Variants in CWH43 observed in about 807,000 individuals in gnomAD.
The protein encoded by CWH43 is cell wall biogenesis 43 C-terminal homolog.
A neutral mutation model predicts 85.7 loss-of-function variants in CWH43; 91 were observed. The ratio of observed to expected loss-of-function variants is 1.06; its 90% CI spans 0.90 to 1.26. The LOEUF is 1.26. Ranked by LOEUF, CWH43 falls within the 50% of genes most tolerant of loss-of-function variation. The probability of loss-of-function intolerance (pLI) is 0.00; values close to 1 mark genes in which losing one functional copy is unlikely to be tolerated. For synonymous variants in CWH43, 323 were observed against 293.6 expected (o/e 1.10, Z -1.02); for missense variants, 869 against 839.2 (o/e 1.04, Z -0.44).
At position 49,017,239 on chromosome 4, in the gene CWH43, T is replaced by G; in HGVS notation, c.1187-10T>G. ...TTAAAAAAACCCAATTATTTCTTTTTTCTGTTTAGTTCTGTGGCTGCTTGT... is the reference window on the plus strand; with the variant it reads ...TTAAAAAAACCCAATTATTTCTTTTGTCTGTTTAGTTCTGTGGCTGCTTGT... On this transcript the variant is annotated splice_polypyrimidine_tract_variant and intron_variant, in intron 8 of 15. Transcript: ENST00000226432. 6.3e-7 allele frequency: 1 copy of G among 1,598,760 alleles called. No homozygotes were observed. The highest frequency in any genetic ancestry group is 8.5e-7 in the Non-Finnish European group (1 of 1,173,610).
At chr4:49,030,139 A>C (rs1336386912) in intron 10 of CWH43, among the ~76,000 whole-genome samples, 6 of 152,214 alleles carry the variant, frequency 3.9e-5, no homozygotes, top group Non-Finnish European at 7.3e-5. Context: ...ATTGCTTTCA[A>C]CAGGCCTAGG....
intron 1 of CWH43, 127 bp downstream of exon 1, chr4:48,986,599 A>T: frequency 6.7e-7 from 1 of 1,497,070 alleles, no homozygotes; most frequent in Non-Finnish European, 8.9e-7. Context: ...CCCAGAGTGG[A>T]GATGCTTATC....
chr4:49,048,969 A>C (rs1422634381), intron 14 of CWH43, among the ~76,000 whole-genome samples: 1 of 152,192 alleles, frequency 6.6e-6, no homozygotes, highest in Non-Finnish European at 1.5e-5. Flanking sequence ...GTGCTTAATA[A>C]ATACTTATTG....
intron 14 of CWH43, among the ~76,000 whole-genome samples, chr4:49,049,631 C>T (rs539162869): frequency 2.6e-4 from 39 of 152,256 alleles, no homozygotes; most frequent in African/African-American, 4.6e-4. Context: ...CACTTCACTC[C>T]GGTCATGGTG....
At chr4:49,035,402 A>T (rs758030885) in intron 12 of CWH43, among the ~76,000 whole-genome samples, 3 of 152,232 alleles carry the variant, frequency 2.0e-5, no homozygotes, top group African/African-American at 4.8e-5. Context: ...GAAAATTGAT[A>T]TTATTTTAGG....
At chr4:49,007,475 A>G in intron 8 of CWH43, 149 bp downstream of exon 8, 1 of 1,038,068 alleles carries the variant, frequency 9.6e-7, no homozygotes, top group Non-Finnish European at 1.3e-6. Context: ...TATCTTCTCT[A>G]GTTTTTTTAA....
intron 8 of CWH43, among the ~76,000 whole-genome samples, chr4:49,015,826 C>T (rs577329784): frequency 6.6e-6 from 1 of 152,128 alleles, no homozygotes; most frequent in African/African-American, 2.4e-5. Flanking sequence ...TTATAATTAT[C>T]TTTTTATTTC....
intron 2 of CWH43, among the ~76,000 whole-genome samples, chr4:48,990,747 T>C (rs1001836507): frequency 1.3e-5 from 2 of 152,210 alleles, no homozygotes; most frequent in Non-Finnish European, 2.9e-5. Flanking sequence ...TAGAAGCTGT[T>C]ATCATATGAT....
rs903290639 is a variant in CWH43 at position 48,992,892 on chromosome 4, G to T, written c.511+802G>T. 6.6e-6 allele frequency among the ~76,000 whole-genome samples: 1 copy of T among 152,180 alleles called. No homozygotes were observed. Among genetic ancestry groups the T allele is most frequent in the Admixed American group, 6.5e-5 (1 of 15,276 alleles). On this transcript the variant is annotated intron_variant, in intron 4 of 15. Coordinates refer to ENST00000226432, the MANE Select transcript of CWH43 (RefSeq NM_025087.3). This position sits in a 1 kb window ranked among gnomAD's most constrained non-coding sequence, Gnocchi z 4.3. ...GTTTGGCATGAAATGAGAATAGAGG[G>T]AAATTATGTCAGTAAATTGGCCTTG...
intron 9 of CWH43, among the ~76,000 whole-genome samples, chr4:49,021,899 T>C (rs1333990594): frequency 6.6e-6 from 1 of 152,244 alleles, no homozygotes; most frequent in African/African-American, 2.4e-5. Context: ...TGTACACTAA[T>C]TTTGTATCTT....
rs373026079 is a variant in CWH43, at chr4:48,991,082, C to T, written c.236-372C>T. Among the ~76,000 whole-genome samples the T allele has an allele frequency of 4.6e-5, 7 of 152,162 alleles. No individual in the cohort carries two copies. The South Asian group carries it at 6.2e-4, about 14-fold the overall frequency. On this transcript the variant is annotated intron_variant, in intron 2 of 15. Transcript: ENST00000226432. ...TGAAGTGCCCAGAATAGGAAAAATTCGCAGAGACAGAAAATAGATTAGTGG... is the reference window on the plus strand; with the variant it reads ...TGAAGTGCCCAGAATAGGAAAAATTTGCAGAGACAGAAAATAGATTAGTGG...
At chr4:49,000,096 T>A (rs1782942051) in intron 6 of CWH43, among the ~76,000 whole-genome samples, 1 of 152,166 alleles carries the variant, frequency 6.6e-6, no homozygotes, top group Non-Finnish European at 1.5e-5. Flanking sequence ...ATACTATATT[T>A]GGTTTATGTG....
chr4:49,061,805 T>A lies in CWH43; in HGVS notation c.2022-7T>A. 1 of 1,374,014 alleles carries A rather than the reference T, an allele frequency of 7.3e-7. No individual in the cohort carries two copies. Among genetic ancestry groups the A allele is most frequent in the Non-Finnish European group, 9.6e-7 (1 of 1,036,632 alleles). The allele number at this position is 1,374,014 out of a possible 1,614,324, so 85.1% of individuals were successfully genotyped here. On this transcript the variant is annotated splice_polypyrimidine_tract_variant and splice_region_variant and intron_variant, in intron 15 of 15. Transcript: ENST00000226432. ...AATAACTTTTTATTTATTTTTTATTTTTTTAGATTTGGATCCTACAAAGAA... is the reference window on the plus strand; with the variant it reads ...AATAACTTTTTATTTATTTTTTATTATTTTAGATTTGGATCCTACAAAGAA...
In CWH43 at chr4:49,017,257, C is replaced by G. The variant is rs772827714; in HGVS notation, c.1195C>G (p.Leu399Val). The change falls in exon 9 of 16, where the codon CTG becomes GTG. Residue 399 changes from leucine to valine, a missense_variant. This residue lies in a region of CWH43 where 577 missense variants were observed against 513.1 expected (regional missense o/e 1.12). Transcript: ENST00000226432. ...SEKYMKLFLW[L>V]LVGVGLLGLG... is the part of the protein sequence containing the mutation. Reference sequence around the variant, plus strand: ...TTCTTTTTTCTGTTTAGTTCTGTGGCTGCTTGTTGGTGTGGGATTGTTGGG... The same window carrying G: ...TTCTTTTTTCTGTTTAGTTCTGTGGGTGCTTGTTGGTGTGGGATTGTTGGG... The G allele has an allele frequency of 6.2e-7, 1 of 1,609,902 alleles. No homozygotes were observed. Among genetic ancestry groups the G allele is most frequent in the Non-Finnish European group, 8.5e-7 (1 of 1,177,912 alleles).
At chr4:49,023,378 TA>T (rs1192228022) in intron 9 of CWH43, among the ~76,000 whole-genome samples, 1 of 152,140 alleles carries the variant, frequency 6.6e-6, no homozygotes, top group East Asian at 1.9e-4. Context: ...TTCCAATTTT[TA>T]TTTTTATTTT....
chr4:49,032,590 A>T lies in CWH43; in HGVS notation c.1533A>T (p.Pro511=). 1.2e-6 allele frequency: 2 copies of T among 1,614,024 alleles called. No homozygotes were observed. Among genetic ancestry groups the T allele is most frequent in the African/African-American group, 1.3e-5 (1 of 75,018 alleles). The change falls in exon 12 of 16, where the codon CCA becomes CCT. Residue 511 remains proline (P), a synonymous_variant. Transcript: ENST00000226432. The part of the protein sequence containing the change: ...TWGIMALSRY[P]IVKSEHHLLP... Reference sequence around the variant, plus strand: ...GGATTATGGCTTTGTCAAGATACCCAATTGTGAAATCTGAGCATCACCTTC... The same window carrying T: ...GGATTATGGCTTTGTCAAGATACCCTATTGTGAAATCTGAGCATCACCTTC...
intron 8 of CWH43, among the ~76,000 whole-genome samples, chr4:49,008,550 A>C (rs182669366): frequency 1.3e-4 from 20 of 152,274 alleles, no homozygotes; most frequent in African/African-American, 4.6e-4. Flanking sequence ...GTCTTTGTCT[A>C]TGCCTATGTC....
intron 12 of CWH43, among the ~76,000 whole-genome samples, chr4:49,036,134 C>A (rs1328467814): frequency 6.6e-6 from 1 of 152,178 alleles, no homozygotes; most frequent in Non-Finnish European, 1.5e-5. Flanking sequence ...GCATAGAATG[C>A]AGCTACTGCC....
intron 12 of CWH43, among the ~76,000 whole-genome samples, chr4:49,035,428 C>T (rs1465857552): frequency 6.6e-6 from 1 of 152,170 alleles, no homozygotes; most frequent in Non-Finnish European, 1.5e-5. Context: ...AACTGAGCCA[C>T]TAATCACCAT....
Sources: allele counts gnomAD v4.1 joint callset (sites outside exome capture counted in the v4.1 genomes callset), GRCh38; gene constraint gnomAD v4.1.1; regional missense constraint gnomAD v4.1.1; non-coding constraint Gnocchi (gnomAD v3.1); transcripts MANE v1.5; gene names NCBI Gene and HGNC (gene_info 2026-07-23, HGNC 2026-07-21).